NCOA7: variants seen among roughly 807,000 people sequenced by gnomAD.
NCOA7 encodes the protein 140 kDa estrogen receptor-associated protein.
Under a neutral mutation model 104.3 loss-of-function variants are expected in NCOA7, and 45 were observed. The ratio of observed to expected loss-of-function variants is 0.43; its 90% CI spans 0.34 to 0.55. The LOEUF (loss-of-function observed/expected upper bound fraction) is 0.55, where lower values mean the gene tolerates loss of function less well. NCOA7 is among the 20% of genes least tolerant of loss of function. NCOA7 has a pLI of 0.02. For synonymous variants in NCOA7, 398 were observed against 402.3 expected, an observed-to-expected ratio of 0.99 and a Z score of 0.13; for missense variants, 1,041 against 1,119.7, an observed-to-expected ratio of 0.93 and a Z score of 1.00.
chr6:125,924,907 A>G (rs1284490952), intron 13 of NCOA7, among the ~76,000 whole-genome samples: 1 of 152,066 alleles, frequency 6.6e-6, no homozygotes. Context: ...TCTCCCACCC[A>G]AGATCAGTGT....
At chr6:125,822,945 A>C (rs1778320974) in intron 2 of NCOA7, among the ~76,000 whole-genome samples, 1 of 151,278 alleles carries the variant, frequency 6.6e-6, no homozygotes, top group Non-Finnish European at 1.5e-5. Flanking sequence ...CAAAAAAAAA[A>C]AAAAACAACA....
At chr6:125,860,344 ACTTTTT>A (rs1158305264) in intron 3 of NCOA7, among the ~76,000 whole-genome samples, 1 of 152,036 alleles carries the variant, frequency 6.6e-6, no homozygotes. Context: ...ATCATAGGAT[ACTTTTT>A]CTTTTTCTTT....
chr6:125,851,336 G>A (rs978172768), intron 2 of NCOA7, among the ~76,000 whole-genome samples: 2 of 152,038 alleles, frequency 1.3e-5, no homozygotes, highest in Non-Finnish European at 2.9e-5. Flanking sequence ...ACTTATAAGC[G>A]AGAACATGTG....
At chr6:125,895,965 ATG>A (rs61017866) in intron 10 of NCOA7, among the ~76,000 whole-genome samples, 25,525 of 145,852 alleles carry the variant, frequency 0.18, 2,632 homozygotes, top group African/African-American at 0.3. Flanking sequence ...ATATGTATAT[ATG>A]TGTGTGTGTG....
At chr6:125,899,959 C>G (rs1248311757) in intron 10 of NCOA7, 1 of 531,800 alleles carries the variant, frequency 1.9e-6, no homozygotes, top group Non-Finnish European at 3.9e-6. Flanking sequence ...TGGAGAATAG[C>G]TGAGGGTCCA....
chr6:125,916,396 T>C (rs1767155965), intron 11 of NCOA7, among the ~76,000 whole-genome samples: 1 of 152,182 alleles, frequency 6.6e-6, no homozygotes. Context: ...AAGCTGTAGT[T>C]TGCCAGACCT....
At chr6:125,827,927 A>G (rs1371226161) in intron 2 of NCOA7, among the ~76,000 whole-genome samples, 1 of 152,224 alleles carries the variant, frequency 6.6e-6, no homozygotes, top group African/African-American at 2.4e-5. Context: ...CATTATCTGG[A>G]ATGGGAAAAC....
At chr6:125,789,079 G>A (rs1017742412), upstream of NCOA7, among the ~76,000 whole-genome samples, 1 of 152,150 alleles carries the variant, frequency 6.6e-6, no homozygotes, top group African/African-American at 2.4e-5. Context: ...TAAAGAGTAA[G>A]CAACTGCCAA....
At chr6:125,802,469 G>A (rs1270617633) in intron 1 of NCOA7, 2 of 152,094 alleles carry the variant, frequency 1.3e-5, no homozygotes, top group African/African-American at 4.8e-5. Flanking sequence ...GCAGCTACCT[G>A]GAGCATACTC....
chr6:125,826,952 C>T (rs1778709389), intron 2 of NCOA7, among the ~76,000 whole-genome samples: 1 of 152,048 alleles, frequency 6.6e-6, no homozygotes, highest in Non-Finnish European at 1.5e-5. Context: ...AATCCCAGCA[C>T]TTTGGGAGTC....
At chr6:125,825,472 G>A (rs1778587176) in intron 2 of NCOA7, among the ~76,000 whole-genome samples, 1 of 152,174 alleles carries the variant, frequency 6.6e-6, no homozygotes, top group Non-Finnish European at 1.5e-5. Context: ...AATTTTTCCT[G>A]TGTATGTGAG....
At chr6:125,907,458 CT>C (rs1349939805) in intron 10 of NCOA7, among the ~76,000 whole-genome samples, 3 of 152,148 alleles carry the variant, frequency 2.0e-5, no homozygotes, top group African/African-American at 7.2e-5. Context: ...CTGTGAGTCC[CT>C]CATCAGCGGA....
At position 125,876,100 on chromosome 6, in the gene NCOA7, G is replaced by A. The variant is rs377005070; in HGVS notation, c.351+1132G>A. 3.0e-3 allele frequency among the ~76,000 whole-genome samples: 456 copies of A among 152,318 alleles called. 27 individuals carry two copies. In the South Asian group the frequency reaches 0.091, roughly 30 times the overall value. On this transcript the variant is annotated intron_variant, in intron 4 of 15. Coordinates refer to ENST00000392477, the MANE Select transcript of NCOA7 (RefSeq NM_181782.5). ...TAAGTACTATTGCCATTGCCTGGTT[G>A]TATTTTCCTAATGTGTACTTATTTT...
chr6:125,820,481 G>A (rs887577058), intron 2 of NCOA7, among the ~76,000 whole-genome samples: 1 of 152,252 alleles, frequency 6.6e-6, no homozygotes, highest in Non-Finnish European at 1.5e-5. Flanking sequence ...GAGCTGAACA[G>A]CTGGTCCCCT....
chr6:125,822,215 TACTC>T (rs1778255456), intron 2 of NCOA7, among the ~76,000 whole-genome samples: 1 of 152,258 alleles, frequency 6.6e-6, no homozygotes, highest in African/African-American at 2.4e-5. Context: ...TGGATTCAGA[TACTC>T]AGTCATAGCA....
At chr6:125,806,946 G>A (rs1776513935) in intron 1 of NCOA7, among the ~76,000 whole-genome samples, 1 of 152,136 alleles carries the variant, frequency 6.6e-6, no homozygotes, top group Admixed American at 6.5e-5. Flanking sequence ...TTTAGGTGAG[G>A]TGTTGAATTT....
intron 10 of NCOA7, among the ~76,000 whole-genome samples, chr6:125,911,671 G>A (rs1786566111): frequency 6.6e-6 from 1 of 151,680 alleles, no homozygotes; most frequent in African/African-American, 2.4e-5. Flanking sequence ...CTAATTATTA[G>A]GGTCTCTTTT....
At chr6:125,818,659 G>A (rs1777831966) in intron 2 of NCOA7, among the ~76,000 whole-genome samples, 1 of 152,134 alleles carries the variant, frequency 6.6e-6, no homozygotes, top group Non-Finnish European at 1.5e-5. Flanking sequence ...AGCCAGAAAT[G>A]GTCAAGCTAT....
rs1488785107 is a variant in NCOA7 at position 125,928,690 on chromosome 6, T to C, written c.2748T>C (p.Ser916=). ...ATTTATACCACGGACGAAGCAACTC[T>C]TGCAGCACTTTCAATAATGATATTC... The part of the protein sequence containing the change: ...DADLYHGRSN[S]CSTFNNDILS... Residue 916 remains serine (S), a synonymous_variant, in exon 16 of 16, where the codon TCT becomes TCC. Transcript: ENST00000392477. 2.5e-6 allele frequency: 4 copies of C among 1,613,838 alleles called. No individual in the cohort carries two copies. The East Asian group carries it at 8.9e-5, about 36-fold the overall frequency.
Sources: allele counts gnomAD v4.1 joint callset (sites outside exome capture counted in the v4.1 genomes callset), GRCh38; gene constraint gnomAD v4.1.1; transcripts MANE v1.5; gene names NCBI Gene and HGNC (gene_info 2026-07-23, HGNC 2026-07-21).